Variants in EPHA8 observed in about 807,000 individuals in gnomAD.
The protein encoded by EPHA8 is EPH receptor A8, also known as ephrin type-A receptor 8.
A neutral mutation model predicts 103.6 loss-of-function variants in EPHA8; 58 were observed. That is an observed-to-expected ratio of 0.56 (90% confidence interval 0.45 to 0.70). The LOEUF (loss-of-function observed/expected upper bound fraction) is 0.70. Ranked by LOEUF, EPHA8 falls within the 30% of genes least tolerant of loss-of-function variation. The pLI is 0.00. For missense variants in EPHA8, 1,304 were observed against 1,395.2 expected (o/e 0.93, Z 1.04); for synonymous variants, 559 against 572.5 (o/e 0.98, Z 0.34).
chr1:22,591,757 C>T (rs1641377773), intron 5 of EPHA8, among the ~76,000 whole-genome samples: 1 of 152,170 alleles, frequency 6.6e-6, no homozygotes, highest in Admixed American at 6.5e-5. Flanking sequence ...TGCTGCTAGG[C>T]CGTGGCCTGG....
chr1:22,584,960 G>A (rs1162995633), intron 3 of EPHA8, among the ~76,000 whole-genome samples: 1 of 152,162 alleles, frequency 6.6e-6, no homozygotes, highest in Non-Finnish European at 1.5e-5. Context: ...AGCGAGTACA[G>A]CCATAGTGTT....
chr1:22,576,670 C>T lies in EPHA8; in HGVS notation c.613C>T (p.Pro205Ser). The part of the protein sequence containing the change: ...LSLRIYYKKC[P>S]AMVRNLAAFS... ...TCTCCGCATCTACTATAAGAAGTGC[C>T]CTGCCATGGTGCGCAATCTGGCTGC... The change falls in exon 3 of 17, where the codon CCT becomes TCT. Residue 205 changes from proline (P) to serine (S), a missense_variant. Physicochemically the swap from Pro to Ser is moderately conservative, Grantham distance 74 (BLOSUM62 -1). Transcript: ENST00000166244. The surrounding 1 kb of genome is among the most constrained non-coding windows in gnomAD (Gnocchi z 4.8). 1 of 1,613,874 alleles carries T rather than the reference C, an allele frequency of 6.2e-7. No homozygotes were observed. The highest frequency in any genetic ancestry group is 8.5e-7 in the Non-Finnish European group (1 of 1,180,022).
intron 3 of EPHA8, among the ~76,000 whole-genome samples, chr1:22,578,409 C>T (rs1483128701): frequency 9.1e-6 from 1 of 110,208 alleles, no homozygotes; most frequent in African/African-American, 3.7e-5. Flanking sequence ...TGAGTGTATG[C>T]ATGTCTGCAT....
Position 22,593,340 on chromosome 1 carries a change from G to A in EPHA8, c.1330G>A (p.Val444Met), listed in dbSNP as rs2295021. Residue 444 changes from valine (V) to methionine (M), a missense_variant, in exon 6 of 17, where the codon GTG (valine) becomes ATG (methionine). Coordinates refer to ENST00000166244, the MANE Select transcript of EPHA8 (RefSeq NM_020526.5). ...GGCCGCCCCAGCCCCGTCCCAGGTG[G>A]TGGTGATCCGTCAAGAGCGGGCGGG... The part of the protein sequence containing the change: ...TTNQAAPSQV[V>M]VIRQERAGQT... 5.5e-5 allele frequency: 86 copies of A among 1,573,906 alleles called. No individual in the cohort carries two copies. The East Asian group carries it at 1.9e-3, about 35-fold the overall frequency.
At chr1:22,577,835 TGTGCATGTATGTGTGCATGC>T (rs1557558340) in intron 3 of EPHA8, among the ~76,000 whole-genome samples, 17 of 125,734 alleles carry the variant, frequency 1.4e-4, no homozygotes, top group African/African-American at 5.8e-4. Flanking sequence ...TGTGTGCGTG[TGTGCATGTATGTGTGCATGC>T]GTATGTATGC....
Position 22,589,384 on chromosome 1 carries a change from G to A in EPHA8, c.1315+178G>A, listed in dbSNP as rs1010783798. ...GAGGCTCTTCATTGCCTTTAGAAAAGTGGAACACATTCTATAAGTAAGAGA... is the reference window on the plus strand; with the variant it reads ...GAGGCTCTTCATTGCCTTTAGAAAAATGGAACACATTCTATAAGTAAGAGA... On this transcript the variant is annotated intron_variant, in intron 5 of 16. Coordinates refer to ENST00000166244, the MANE Select transcript of EPHA8 (RefSeq NM_020526.5). The surrounding 1 kb of genome is among the most constrained non-coding windows in gnomAD (Gnocchi z 4.3). 1 of 1,538,918 alleles carries A rather than the reference G, an allele frequency of 6.5e-7. No homozygotes were observed. The highest frequency in any genetic ancestry group is 1.4e-5 in the African/African-American group (1 of 72,484).
chr1:22,585,052 C>CGCGT (rs147149954), intron 3 of EPHA8, among the ~76,000 whole-genome samples: 12,522 of 144,410 alleles, frequency 0.087, 639 homozygotes, highest in African/African-American at 0.17. Flanking sequence ...TGTGTGTGTG[C>CGCGT]GCACGCGTGT....
rs1284225353 is a variant in EPHA8, at chr1:22,598,835, C to T, written c.2179-3C>T. ...CTGAAGTCCAAGCCATGTCCCCCTGCAGACCCACGACGGGCAGTTCACCAT... is the reference window on the plus strand; with the variant it reads ...CTGAAGTCCAAGCCATGTCCCCCTGTAGACCCACGACGGGCAGTTCACCAT... On this transcript the variant is annotated splice_region_variant and splice_polypyrimidine_tract_variant and intron_variant, in intron 12 of 16. Transcript: ENST00000166244. The surrounding 1 kb of genome is among the most constrained non-coding windows in gnomAD (Gnocchi z 5.1). 6.2e-7 allele frequency: 1 copy of T among 1,611,990 alleles called. No individual in the cohort carries two copies. Among genetic ancestry groups the T allele is most frequent in the Non-Finnish European group, 8.5e-7 (1 of 1,179,512 alleles).
Position 22,603,089 on chromosome 1 carries a change from T to C in EPHA8, c.*1348T>C, listed in dbSNP as rs1257476252. 1.3e-5 allele frequency: 2 copies of C among 152,398 alleles called. No individual in the cohort carries two copies. Among genetic ancestry groups the C allele is most frequent in the Non-Finnish European group, 2.9e-5 (2 of 67,996 alleles). 9.4% of individuals were successfully genotyped at this position (152,398 alleles called of 1,614,324 possible). ...TGAGAAAGCCCCATCCCGGGGGCCG[T>C]TGGCAGGCAGGGAAGCAGGAACCCC... On this transcript the variant is annotated 3_prime_UTR_variant, in exon 17 of 17. Transcript: ENST00000166244.
chr1:22,597,308 T>G lies in EPHA8; in HGVS notation c.1766-4T>G, dbSNP rs1281851754. On this transcript the variant is annotated splice_region_variant and splice_polypyrimidine_tract_variant and intron_variant, in intron 9 of 16. Coordinates refer to ENST00000166244, the MANE Select transcript of EPHA8 (RefSeq NM_020526.5). The surrounding 1 kb of genome is among the most constrained non-coding windows in gnomAD (Gnocchi z 4.6). ...CCACTGAAGGCCCTCCTCCCGCCCC[T>G]CAGCACCCCCACCTGTCTTCCTGCC... 12 of 1,017,562 alleles carry G rather than the reference T, an allele frequency of 1.2e-5. No individual in the cohort carries two copies. Among genetic ancestry groups the G allele is most frequent in the Non-Finnish European group, 1.7e-5 (12 of 704,128 alleles). The allele number at this position is 1,017,562 out of a possible 1,614,324, so 63.0% of individuals were successfully genotyped here.
rs770292834 is a variant in EPHA8 at position 22,593,349 on chromosome 1, C to T, written c.1339C>T (p.Arg447Cys). ...AGCCCCGTCCCAGGTGGTGGTGATCCGTCAAGAGCGGGCGGGGCAGACCAG... is the reference window on the plus strand; with the variant it reads ...AGCCCCGTCCCAGGTGGTGGTGATCTGTCAAGAGCGGGCGGGGCAGACCAG... ...QAAPSQVVVI[R>C]QERAGQTSVS... The change falls in exon 6 of 17, where the codon CGT becomes TGT. Residue 447 changes from arginine to cysteine, a missense_variant. Physicochemically the swap from Arg to Cys is radical, Grantham distance 180. Transcript: ENST00000166244. The T allele has an allele frequency of 3.8e-6, 6 of 1,577,610 alleles. No individual in the cohort carries two copies. Among genetic ancestry groups the T allele is most frequent in the Admixed American group, 1.8e-5 (1 of 54,210 alleles).
rs1006768748 is a variant in EPHA8 at position 22,593,797 on chromosome 1, A to G, written c.1603+111A>G. The stretch of plus-strand genomic sequence containing the variant: ...CAGGCTGAGCCAGTGCCAATGCAGG[A>G]TTTCTGCTCTCCTTGCCCTACCAAG... On this transcript the variant is annotated intron_variant, in intron 7 of 16. Coordinates refer to ENST00000166244, the MANE Select transcript of EPHA8 (RefSeq NM_020526.5). The G allele has an allele frequency of 2.3e-6, 3 of 1,286,520 alleles. No homozygotes were observed. In the African/African-American group the frequency reaches 4.5e-5, roughly 19 times the overall value. The allele number at this position is 1,286,520 out of a possible 1,614,324, so 79.7% of individuals were successfully genotyped here. A position where few individuals can be genotyped will look rare whatever the true frequency, so the allele number is the denominator to read the frequency against.
chr1:22,595,060 G>T (rs1641479131), intron 7 of EPHA8, among the ~76,000 whole-genome samples, 170 bp from the exon 8 acceptor site: 1 of 152,202 alleles, frequency 6.6e-6, no homozygotes, highest in Non-Finnish European at 1.5e-5. Context: ...AGAGGGTGGG[G>T]TGGGAACAGA....
intron 13 of EPHA8, among the ~76,000 whole-genome samples, chr1:22,599,429 T>G (rs1641615411): frequency 6.6e-6 from 1 of 152,076 alleles, no homozygotes; most frequent in Admixed American, 6.5e-5. Flanking sequence ...TAGAGGTGCC[T>G]TAGGGGCAGC....
In EPHA8 at chr1:22,598,262, G is replaced by T; in HGVS notation, c.2178+50G>T. ...GCATGGGCTTGGGGAGGGAGGTCCA[G>T]TCTGGGTGCTGGGAGATAGTGCAAA... On this transcript the variant is annotated intron_variant, in intron 12 of 16. Coordinates refer to ENST00000166244, the MANE Select transcript of EPHA8 (RefSeq NM_020526.5). The surrounding 1 kb of genome is among the most constrained non-coding windows in gnomAD (Gnocchi z 5.1). 1.3e-6 allele frequency: 2 copies of T among 1,583,636 alleles called. No homozygotes were observed. The highest frequency in any genetic ancestry group is 1.7e-6 in the Non-Finnish European group (2 of 1,158,502).
At chr1:22,585,010 G>A (rs1312350699) in intron 3 of EPHA8, among the ~76,000 whole-genome samples, 7 of 143,744 alleles carry the variant, frequency 4.9e-5, no homozygotes, top group East Asian at 2.1e-4. Flanking sequence ...GGAGCAGGGC[G>A]GGGAATGGTC....
Position 22,596,088 on chromosome 1 carries a change from C to T in EPHA8, c.1698-18C>T, listed in dbSNP as rs769798366. ...AGGGGTGGCCTGGCCTCAGGCAGGG[C>T]GGTGCCCTCCTCTGCAGGCACTGTG... On this transcript the variant is annotated intron_variant, in intron 8 of 16. Transcript: ENST00000166244. 145 of 1,612,700 alleles carry T rather than the reference C, an allele frequency of 9.0e-5. No homozygotes were observed. Among genetic ancestry groups the T allele is most frequent in the Admixed American group, 1.2e-4 (7 of 59,976 alleles).
At chr1:22,588,334 G>A (rs1005075875) in intron 4 of EPHA8, among the ~76,000 whole-genome samples, 1 of 151,798 alleles carries the variant, frequency 6.6e-6, no homozygotes, top group Non-Finnish European at 1.5e-5. Flanking sequence ...TCTTTGTGCT[G>A]CCCAGACAGA....
At position 22,578,976 on chromosome 1, in the gene EPHA8, TGTGA is replaced by T. The variant is rs1446156198; in HGVS notation, c.823+2100_823+2103del. Among the ~76,000 whole-genome samples the T allele has an allele frequency of 6.8e-5, 10 of 146,712 alleles. No homozygotes were observed. The East Asian group carries it at 9.3e-4, about 14-fold the overall frequency. ...GTGTGTCCATGTGTATGTTCATGTG[TGTGA>T]GTGTATGTGTGCATGTGTATATGCA... On this transcript the variant is annotated intron_variant, in intron 3 of 16. Transcript: ENST00000166244.
Sources: allele counts gnomAD v4.1 joint callset (sites outside exome capture counted in the v4.1 genomes callset), GRCh38; gene constraint gnomAD v4.1.1; non-coding constraint Gnocchi (gnomAD v3.1); transcripts MANE v1.5; gene names NCBI Gene and HGNC (gene_info 2026-07-23, HGNC 2026-07-21).